The following PNPLA1 variants were observed in gnomAD, a reference collection of about 807,000 sequenced individuals.
PNPLA1 encodes omega-hydroxyceramide transacylase.
A neutral mutation model predicts 51.7 loss-of-function variants in PNPLA1; 36 were observed. The observed-to-expected ratio is 0.70, with a 90% CI of 0.53 to 0.92. PNPLA1 has a LOEUF of 0.92. Among genes scored for constraint, PNPLA1 ranks in the 40% least tolerant of loss-of-function variants. PNPLA1 has a pLI of 0.00. For synonymous variants in PNPLA1, 293 were observed against 280.1 expected, an observed-to-expected ratio of 1.05 and a Z score of -0.46; for missense variants, 658 against 682.5, an observed-to-expected ratio of 0.96 and a Z score of 0.40.
chr6:36,291,682 C>T, intron 2 of PNPLA1, 130 bp downstream of exon 2: 4 of 775,808 alleles, frequency 5.2e-6, no homozygotes, highest in South Asian at 1.7e-5. Context: ...TTCCTTCATG[C>T]CCCCAGAGTC....
At chr6:36,252,278 T>G (rs1010741188) in intron 1 of PNPLA1, among the ~76,000 whole-genome samples, 3 of 152,120 alleles carry the variant, frequency 2.0e-5, no homozygotes, top group African/African-American at 7.2e-5. Flanking sequence ...AGAAAGGGTT[T>G]TTTTCTCCCC....
chr6:36,287,350 G>T (rs1770525754), intron 1 of PNPLA1, among the ~76,000 whole-genome samples: 2 of 151,904 alleles, frequency 1.3e-5, no homozygotes, highest in South Asian at 2.1e-4. Flanking sequence ...TACCCTCAGA[G>T]AATCCCCTCC....
At chr6:36,277,970 C>T (rs1326170763) in intron 1 of PNPLA1, among the ~76,000 whole-genome samples, 1 of 152,228 alleles carries the variant, frequency 6.6e-6, no homozygotes, top group African/African-American at 2.4e-5. Context: ...GCATGAGTGC[C>T]TCAGTCTTGC....
intron 1 of PNPLA1, among the ~76,000 whole-genome samples, chr6:36,249,615 G>A (rs947415889): frequency 6.6e-6 from 1 of 152,174 alleles, no homozygotes; most frequent in African/African-American, 2.4e-5. Context: ...GCCATCTCTG[G>A]ACCTCAGCTT....
chr6:36,300,258 A>G (rs1181840930), intron 5 of PNPLA1, among the ~76,000 whole-genome samples: 1 of 150,050 alleles, frequency 6.7e-6, no homozygotes, highest in Admixed American at 6.7e-5. Context: ...GCAGTGGTGC[A>G]ATCTTGGCTC....
At chr6:36,252,445 C>T (rs1210887469) in intron 1 of PNPLA1, among the ~76,000 whole-genome samples, 5 of 149,446 alleles carry the variant, frequency 3.3e-5, no homozygotes, top group African/African-American at 4.9e-5. Context: ...GACAGAGAGG[C>T]GGGGATGGAG....
upstream of PNPLA1, among the ~76,000 whole-genome samples, chr6:36,269,885 TTGGGGGACCCGTCCAAAAGAGA>T (rs1769855132): frequency 6.6e-6 from 1 of 152,220 alleles, no homozygotes; most frequent in Admixed American, 6.5e-5. Context: ...GGCATCTCTT[TTGGGGGACCCGTCCAAAAGAGA>T]TGGGGTAGGC....
intron 1 of PNPLA1, among the ~76,000 whole-genome samples, chr6:36,263,619 A>G (rs1769700101): frequency 6.6e-6 from 1 of 152,212 alleles, no homozygotes; most frequent in South Asian, 2.1e-4. Flanking sequence ...AACTCCTTGC[A>G]GAGTTGCAGA....
chr6:36,307,463 C>A, intron 7 of PNPLA1, 124 bp from the exon 8 acceptor site: 2 of 1,106,752 alleles, frequency 1.8e-6, no homozygotes, highest in Non-Finnish European at 2.5e-6. Flanking sequence ...CTGGGAAATC[C>A]AATCCTCAGC....
Position 36,272,693 on chromosome 6 carries a change from A to AC in PNPLA1, c.205+2029_205+2030insC, listed in dbSNP as rs1202800662. Among the ~76,000 whole-genome samples, 3 of 152,116 alleles carry AC rather than the reference A, an allele frequency of 2.0e-5. No homozygotes were observed. The East Asian group carries it at 5.8e-4, about 29-fold the overall frequency. On this transcript the variant is annotated intron_variant, in intron 1 of 8. Transcript: ENST00000636260. ...GATTCAGGACGTGCTTTGAAAGTAG[A>AC]GCCAGTGAGACTTTCTGAAGGGCCG...
chr6:36,243,726 A>C (rs1353848126), intron 1 of PNPLA1, among the ~76,000 whole-genome samples: 1 of 151,620 alleles, frequency 6.6e-6, no homozygotes, highest in African/African-American at 2.4e-5. Flanking sequence ...CAAGACACTC[A>C]CCTCCCCCAA....
intron 8 of PNPLA1, among the ~76,000 whole-genome samples, chr6:36,310,052 T>C (rs1484520411): frequency 6.6e-6 from 1 of 152,252 alleles, no homozygotes; most frequent in African/African-American, 2.4e-5. Flanking sequence ...TTGAAATTCA[T>C]ACTCTGATGC....
upstream of PNPLA1, among the ~76,000 whole-genome samples, chr6:36,269,594 G>T (rs959567935): frequency 6.6e-6 from 1 of 152,154 alleles, no homozygotes; most frequent in African/African-American, 2.4e-5. Context: ...ATTTCTTCCT[G>T]CACACTTAGA....
chr6:36,298,735 G>A (rs369827120), intron 5 of PNPLA1, among the ~76,000 whole-genome samples: 7 of 152,172 alleles, frequency 4.6e-5, no homozygotes, highest in East Asian at 3.8e-4. Context: ...TGTAGCATGT[G>A]ACAGGATTTT....
upstream of PNPLA1, among the ~76,000 whole-genome samples, chr6:36,267,903 G>A (rs1769800729): frequency 6.6e-6 from 1 of 152,080 alleles, no homozygotes; most frequent in African/African-American, 2.4e-5. Flanking sequence ...GCAGGAGGCA[G>A]CCCCACTCCT....
At chr6:36,287,897 G>A (rs751724009) in intron 1 of PNPLA1, among the ~76,000 whole-genome samples, 1 of 152,138 alleles carries the variant, frequency 6.6e-6, no homozygotes, top group Non-Finnish European at 1.5e-5. Context: ...ACAACTTCCT[G>A]CCCTCTTCCT....
Position 36,253,966 on chromosome 6 carries a change from C to T in PNPLA1, c.-81+10705C>T, listed in dbSNP as rs962008713. 3.3e-5 allele frequency among the ~76,000 whole-genome samples: 5 copies of T among 152,242 alleles called. 1 individual carries two copies. The Middle Eastern group carries it at 0.014, about 414-fold the overall frequency. On this transcript the variant is annotated intron_variant, in intron 1 of 7. Transcript: ENST00000312917. The stretch of plus-strand genomic sequence containing the variant: ...GTCCTCATCTTAGATTCCTTACAGT[C>T]AGGGTATGCTGCTCCCATTCCGAGG...
rs978721186 is a variant in PNPLA1, at chr6:36,295,441, C to T, written c.775+17C>T. The stretch of plus-strand genomic sequence containing the variant: ...GGCGGCTGAGTAAGTACCGGTGGGG[C>T]CCCAGGTAAGGGCAGTGTTGGAGGG... On this transcript the variant is annotated intron_variant, in intron 5 of 8. Coordinates refer to ENST00000636260, the MANE Select transcript of PNPLA1 (RefSeq NM_001374623.1). The T allele has an allele frequency of 1.2e-6, 2 of 1,613,682 alleles. No homozygotes were observed. The highest frequency in any genetic ancestry group is 1.7e-6 in the Non-Finnish European group (2 of 1,179,674).
chr6:36,300,178 TGAGAGA>T (rs71548136), intron 5 of PNPLA1, among the ~76,000 whole-genome samples: 9,136 of 98,040 alleles, frequency 0.093, 446 homozygotes, highest in East Asian at 0.15. Flanking sequence ...TGTGTGTGTG[TGAGAGA>T]GAGAGAGAGA....
Sources: allele counts gnomAD v4.1 joint callset (sites outside exome capture counted in the v4.1 genomes callset), GRCh38; gene constraint gnomAD v4.1.1; transcripts MANE v1.5; gene names NCBI Gene and HGNC (gene_info 2026-07-23, HGNC 2026-07-21).